The following AFG1L variants were observed in gnomAD, a reference collection of about 807,000 sequenced individuals.
AFG1L encodes the protein AFG1 like ATPase, also known as AFG1-like ATPase.
In AFG1L, 53 loss-of-function variants were observed where a neutral mutation model predicts 62.2. The ratio of observed to expected loss-of-function variants is 0.85; its 90% CI spans 0.68 to 1.07. The LOEUF (loss-of-function observed/expected upper bound fraction) is 1.07, where lower values mean the gene tolerates loss of function less well. Among genes scored for constraint, AFG1L ranks in the 50% least tolerant of loss-of-function variants. The pLI, the probability that AFG1L is intolerant of heterozygous loss-of-function variation, is 0.00. For synonymous variants in AFG1L, 228 were observed against 210.3 expected, an observed-to-expected ratio of 1.08 and a Z score of -0.73; for missense variants, 555 against 590.5, an observed-to-expected ratio of 0.94 and a Z score of 0.62.
chr6:108,501,926 CTTTAA>C (rs939517811), intron 10 of AFG1L, among the ~76,000 whole-genome samples: 7 of 152,172 alleles, frequency 4.6e-5, no homozygotes, highest in African/African-American at 1.7e-4. Context: ...AAAATACATA[CTTTAA>C]TTTAAAAATG....
chr6:108,499,629 G>A (rs76204032), intron 10 of AFG1L, among the ~76,000 whole-genome samples: 78 of 149,184 alleles, frequency 5.2e-4, no homozygotes, highest in African/African-American at 1.8e-3. Flanking sequence ...CAGCACACCT[G>A]TAGTTCTAGC....
chr6:108,502,640 T>C (rs527882882), intron 10 of AFG1L, among the ~76,000 whole-genome samples: 1 of 152,240 alleles, frequency 6.6e-6, no homozygotes, highest in African/African-American at 2.4e-5. Context: ...ATACCCAACC[T>C]CTTGCCTCAA....
intron 7 of AFG1L, among the ~76,000 whole-genome samples, chr6:108,409,566 A>G (rs922760891): frequency 6.6e-6 from 1 of 152,214 alleles, no homozygotes; most frequent in African/African-American, 2.4e-5. Flanking sequence ...AAAATTTTCT[A>G]TATTCTAAGA....
intron 6 of AFG1L, among the ~76,000 whole-genome samples, chr6:108,376,661 T>C (rs900963152): frequency 6.6e-6 from 1 of 152,124 alleles, no homozygotes; most frequent in African/African-American, 2.4e-5. Context: ...TTAAAAAATT[T>C]ATCAAGACTT....
rs751312671 is a variant in AFG1L at position 108,524,087 on chromosome 6, A to G, written c.*1662A>G. The G allele has an allele frequency of 1.3e-5, 2 of 152,168 alleles. No individual in the cohort carries two copies. Among genetic ancestry groups the G allele is most frequent in the Non-Finnish European group, 2.9e-5 (2 of 68,026 alleles). 9.4% of individuals were successfully genotyped at this position (152,168 alleles called of 1,614,324 possible). On this transcript the variant is annotated 3_prime_UTR_variant, in exon 13 of 13. Transcript: ENST00000368977. The stretch of plus-strand genomic sequence containing the variant: ...TTTACAACTACAAAACTCATATACT[A>G]TATTTTATAACACACTGTCTCTTAC...
intron 7 of AFG1L, among the ~76,000 whole-genome samples, chr6:108,427,406 G>T (rs1172382900): frequency 6.6e-6 from 1 of 151,450 alleles, no homozygotes; most frequent in African/African-American, 2.4e-5. Flanking sequence ...GTATACTTAG[G>T]TTTATTCTAG....
At chr6:108,341,416 C>G (rs1778677809) in intron 2 of AFG1L, among the ~76,000 whole-genome samples, 1 of 152,108 alleles carries the variant, frequency 6.6e-6, no homozygotes, top group Non-Finnish European at 1.5e-5. Context: ...TCACGAATTA[C>G]AGGTCTGAGT....
intron 8 of AFG1L, among the ~76,000 whole-genome samples, chr6:108,473,436 T>C (rs1011763440): frequency 3.3e-5 from 5 of 152,210 alleles, no homozygotes; most frequent in African/African-American, 1.2e-4. Context: ...GTTTTACTCC[T>C]ATGTTGAGTA....
intron 6 of AFG1L, among the ~76,000 whole-genome samples, chr6:108,394,336 A>G (rs1781198805): frequency 6.6e-6 from 1 of 151,858 alleles, no homozygotes; most frequent in South Asian, 2.1e-4. Flanking sequence ...TTTAGTAGAG[A>G]TGGGGTTTCA....
intron 1 of AFG1L, 60 bp from the exon 2 acceptor site, chr6:108,323,765 G>A: frequency 1.6e-6 from 2 of 1,237,100 alleles, no homozygotes; most frequent in East Asian, 2.3e-5. Context: ...CTTAAGAAAT[G>A]TGTAGAGCAC....
intron 2 of AFG1L, among the ~76,000 whole-genome samples, chr6:108,334,077 G>A (rs750768968): frequency 1.2e-4 from 18 of 152,136 alleles, no homozygotes; most frequent in South Asian, 4.1e-4. Flanking sequence ...GTGCGATCTC[G>A]GCTCACTGTA....
At chr6:108,505,627 A>G (rs1421415146) in intron 10 of AFG1L, among the ~76,000 whole-genome samples, 2 of 152,196 alleles carry the variant, frequency 1.3e-5, no homozygotes, top group Non-Finnish European at 2.9e-5. Context: ...GAAGGGATCT[A>G]GAGATAATAA....
At chr6:108,501,064 G>A (rs757354716) in intron 10 of AFG1L, among the ~76,000 whole-genome samples, 18 of 151,764 alleles carry the variant, frequency 1.2e-4, no homozygotes, top group African/African-American at 3.1e-4. Context: ...TGTGATCTCC[G>A]CTCACCGCAA....
intron 6 of AFG1L, among the ~76,000 whole-genome samples, chr6:108,385,373 T>TC (rs1438775328): frequency 6.6e-6 from 1 of 152,226 alleles, no homozygotes. Flanking sequence ...CTTAAGGCGT[T>TC]CTTAAACCAC....
chr6:108,345,795 C>T (rs146384399), intron 2 of AFG1L, among the ~76,000 whole-genome samples: 309 of 152,268 alleles, frequency 2.0e-3, no homozygotes, highest in African/African-American at 7.1e-3. Context: ...CTGATTGAAA[C>T]TCCAGCTTGA....
intron 1 of AFG1L, among the ~76,000 whole-genome samples, chr6:108,313,341 A>G (rs1777480899): frequency 6.6e-6 from 1 of 152,132 alleles, no homozygotes; most frequent in African/African-American, 2.4e-5. Context: ...TAGGGATAAT[A>G]TTAGTACCTA....
chr6:108,486,321 G>A (rs1053375917), intron 10 of AFG1L, among the ~76,000 whole-genome samples: 2 of 151,888 alleles, frequency 1.3e-5, no homozygotes, highest in African/African-American at 4.8e-5. Flanking sequence ...AGTATGATTT[G>A]CCATTTTCCA....
chr6:108,450,758 T>C (rs941995479), intron 8 of AFG1L, among the ~76,000 whole-genome samples: 2 of 152,094 alleles, frequency 1.3e-5, no homozygotes, highest in African/African-American at 4.8e-5. Context: ...CTTAAATCCA[T>C]CTTGAATTAA....
intron 1 of AFG1L, among the ~76,000 whole-genome samples, chr6:108,301,518 G>A (rs1304832272): frequency 6.6e-6 from 1 of 152,184 alleles, no homozygotes; most frequent in Non-Finnish European, 1.5e-5. Context: ...GGGTAGAGAG[G>A]AGCTCAGTCA....
Sources: allele counts gnomAD v4.1 joint callset (sites outside exome capture counted in the v4.1 genomes callset), GRCh38; gene constraint gnomAD v4.1.1; transcripts MANE v1.5; gene names NCBI Gene and HGNC (gene_info 2026-07-23, HGNC 2026-07-21).